DBNL: variants seen among roughly 807,000 people sequenced by gnomAD.
DBNL encodes drebrin like.
Under a neutral mutation model 62.2 loss-of-function variants are expected in DBNL, and 35 were observed. The ratio of observed to expected loss-of-function variants is 0.56; its 90% CI spans 0.43 to 0.75. DBNL has a LOEUF of 0.75. Among genes scored for constraint, DBNL ranks in the 30% least tolerant of loss-of-function variants. The probability of loss-of-function intolerance (pLI) is 0.00; values close to 1 mark genes in which losing one functional copy is unlikely to be tolerated. For missense variants in DBNL, 495 were observed against 578.4 expected, an observed-to-expected ratio of 0.86 and a Z score of 1.48; for synonymous variants, 197 against 218.0, an observed-to-expected ratio of 0.90 and a Z score of 0.85.
chr7:44,059,435 C>T lies in DBNL; in HGVS notation c.917C>T (p.Ser306Leu). 1 of 1,614,090 alleles carries T rather than the reference C, an allele frequency of 6.2e-7. No homozygotes were observed. Among genetic ancestry groups the T allele is most frequent in the Non-Finnish European group, 8.5e-7 (1 of 1,180,002 alleles). The change falls in exon 10 of 13, where the codon TCA becomes TTA. Residue 306 changes from serine (S) to leucine (L), a missense_variant. By Grantham distance (145) the Ser-to-Leu change is moderately radical. Coordinates refer to ENST00000448521, the MANE Select transcript of DBNL (RefSeq NM_001014436.3). The surrounding 1 kb of genome is among the most constrained non-coding windows in gnomAD (Gnocchi z 4.1). Reference sequence around the variant, plus strand: ...GGCAGAGAGCCAGCTGCTGCCATCTCAAGGCCCAGGGCAGGCAAGGCGCTT... The same window carrying T: ...GGCAGAGAGCCAGCTGCTGCCATCTTAAGGCCCAGGGCAGGCAAGGCGCTT... ...HFGREPAAAI[S>L]RPRADLPAEE...
At chr7:44,055,896 C>T (rs1385480799) in intron 4 of DBNL, among the ~76,000 whole-genome samples, 1 of 152,150 alleles carries the variant, frequency 6.6e-6, no homozygotes, top group Non-Finnish European at 1.5e-5. Context: ...ATTTGCTGTG[C>T]AGAAGCCTTT....
chr7:44,051,838 C>T lies in DBNL; in HGVS notation c.148C>T (p.Leu50=), dbSNP rs1189944966. The T allele has an allele frequency of 6.2e-7, 1 of 1,614,088 alleles. No individual in the cohort carries two copies. The highest frequency in any genetic ancestry group is 8.5e-7 in the Non-Finnish European group (1 of 1,179,996). The change falls in exon 3 of 13, where the codon CTG becomes TTG. Residue 50 remains leucine, a synonymous_variant. Coordinates refer to ENST00000448521, the MANE Select transcript of DBNL (RefSeq NM_001014436.3). ...IRVAGTGEGG[L]EEMVEELNSG... ...CTGTGACTCTGCTGCAGAGGGTGGCCTGGAGGAGATGGTGGAGGAGCTCAA... is the reference window on the plus strand; with the variant it reads ...CTGTGACTCTGCTGCAGAGGGTGGCTTGGAGGAGATGGTGGAGGAGCTCAA...
chr7:44,064,752 G>T lies in DBNL; in HGVS notation c.*3836G>T. The T allele has an allele frequency of 7.9e-7, 1 of 1,265,832 alleles. No homozygotes were observed. Among genetic ancestry groups the T allele is most frequent in the Non-Finnish European group, 1.1e-6 (1 of 900,816 alleles). The allele number at this position is 1,265,832 out of a possible 1,614,324, so 78.4% of individuals were successfully genotyped here. On this transcript the variant is annotated 3_prime_UTR_variant, in exon 13 of 13. Transcript: ENST00000448521. ...CACGCCTAGAAAGCCTGGTCCATGG[G>T]CGAGAGACTTTGCTGAGATGAGAAG...
chr7:44,060,218 G>A lies in DBNL; in HGVS notation c.1153+65G>A. On this transcript the variant is annotated intron_variant, in intron 12 of 12. Coordinates refer to ENST00000448521, the MANE Select transcript of DBNL (RefSeq NM_001014436.3). The surrounding 1 kb of genome is among the most constrained non-coding windows in gnomAD (Gnocchi z 6.3). Reference sequence around the variant, plus strand: ...CTGAGGTTAGGAGACAAGAGGGTCTGGGGTTTTATGGGAAGATGGCACCAG... The same window carrying A: ...CTGAGGTTAGGAGACAAGAGGGTCTAGGGTTTTATGGGAAGATGGCACCAG... The A allele has an allele frequency of 7.0e-7, 1 of 1,431,894 alleles. No individual in the cohort carries two copies. The highest frequency in any genetic ancestry group is 1.2e-5 in the South Asian group (1 of 83,366). 88.7% of individuals were successfully genotyped at this position (1,431,894 alleles called of 1,614,324 possible). A position where few individuals can be genotyped will look rare whatever the true frequency, so the allele number is the denominator to read the frequency against.
intron 1 of DBNL, among the ~76,000 whole-genome samples, chr7:44,046,073 T>G (rs913551924): frequency 6.6e-6 from 1 of 152,240 alleles, no homozygotes; most frequent in Non-Finnish European, 1.5e-5. Flanking sequence ...GTCAGCCCTC[T>G]GTTTTGCCTC....
chr7:44,065,472 TCTC>T lies in DBNL; in HGVS notation c.*4559_*4561del. 6.2e-7 allele frequency: 1 copy of T among 1,614,108 alleles called. No individual in the cohort carries two copies. The highest frequency in any genetic ancestry group is 8.5e-7 in the Non-Finnish European group (1 of 1,180,026). On this transcript the variant is annotated 3_prime_UTR_variant, in exon 13 of 13. Transcript: ENST00000448521. ...GCATCGAACCAGCCACAGAAACGGT[TCTC>T]CTGGTTCCATGTGCTCTCGCCGTGC...
chr7:44,057,709 T>G, intron 5 of DBNL, 73 bp from the exon 6 acceptor site: 1 of 1,566,256 alleles, frequency 6.4e-7, no homozygotes, highest in Non-Finnish European at 8.8e-7. Flanking sequence ...GTTTAGCGTA[T>G]TCTCTCCTTT....
Position 44,068,150 on chromosome 7 carries a change from A to G in DBNL, c.*7234A>G, listed in dbSNP as rs2096163220. The G allele has an allele frequency of 6.6e-6, 1 of 152,244 alleles. No homozygotes were observed. The highest frequency in any genetic ancestry group is 1.5e-5 in the Non-Finnish European group (1 of 68,062). The allele number at this position is 152,244 out of a possible 1,614,324, so 9.4% of individuals were successfully genotyped here. ...TCTGTCTAGAGGAGCCATGGCCCCA[A>G]AAGCATGGGGCAACCACCTTCTGCA... On this transcript the variant is annotated 3_prime_UTR_variant, in exon 13 of 13. Transcript: ENST00000448521.
chr7:44,068,775 G>T lies in DBNL; in HGVS notation c.*7859G>T, dbSNP rs117461554. 1.1e-4 allele frequency: 17 copies of T among 152,256 alleles called. No individual in the cohort carries two copies. The East Asian group carries it at 1.9e-3, about 17-fold the overall frequency. The allele number at this position is 152,256 out of a possible 1,614,324, so 9.4% of individuals were successfully genotyped here. A position where few individuals can be genotyped will look rare whatever the true frequency, so the allele number is the denominator to read the frequency against. On this transcript the variant is annotated 3_prime_UTR_variant, in exon 13 of 13. Coordinates refer to ENST00000448521, the MANE Select transcript of DBNL (RefSeq NM_001014436.3). ...TAAATTAGATGATAGTTTGGAAAAAGATATAAACTTACAAACCAAGAAGCT... is the reference window on the plus strand; with the variant it reads ...TAAATTAGATGATAGTTTGGAAAAATATATAAACTTACAAACCAAGAAGCT...
intron 5 of DBNL, 96 bp downstream of exon 5, chr7:44,056,999 C>T: frequency 6.5e-7 from 1 of 1,538,018 alleles, no homozygotes; most frequent in Non-Finnish European, 8.8e-7. Context: ...GCTGGCTGGG[C>T]CCATGCCTGC....
In DBNL at chr7:44,064,345, A is replaced by G. The variant is rs1159207451; in HGVS notation, c.*3429A>G. On this transcript the variant is annotated 3_prime_UTR_variant, in exon 13 of 13. Transcript: ENST00000448521. ...GGGCTCCAGAGGGAGATAGGTGGTG[A>G]AGCTCATGCAGGGATTCTGAGGACC... 1 of 202,806 alleles carries G rather than the reference A, an allele frequency of 4.9e-6. No homozygotes were observed. Among genetic ancestry groups the G allele is most frequent in the Non-Finnish European group, 1.0e-5 (1 of 98,230 alleles). 12.6% of individuals were successfully genotyped at this position (202,806 alleles called of 1,614,324 possible).
rs75690519 is a variant in DBNL, at chr7:44,051,665, G to A, written c.140-165G>A. On this transcript the variant is annotated intron_variant, in intron 2 of 12. Coordinates refer to ENST00000448521, the MANE Select transcript of DBNL (RefSeq NM_001014436.3). Reference sequence around the variant, plus strand: ...GCTCTCATCAATCAGTTTAGTGAGGGTGGTGCCCAGGACTCTGATTTTAAA... The same window carrying A: ...GCTCTCATCAATCAGTTTAGTGAGGATGGTGCCCAGGACTCTGATTTTAAA... 259 of 608,756 alleles carry A rather than the reference G, an allele frequency of 4.3e-4. No individual in the cohort carries two copies. In the East Asian group the frequency reaches 7.1e-3, roughly 17 times the overall value. The allele number at this position is 608,756 out of a possible 1,614,324, so 37.7% of individuals were successfully genotyped here. A position where few individuals can be genotyped will look rare whatever the true frequency, so the allele number is the denominator to read the frequency against.
rs544054063 is a variant in DBNL at position 44,058,625 on chromosome 7, G to A, written c.753+145G>A. 54 of 1,167,372 alleles carry A rather than the reference G, an allele frequency of 4.6e-5. 2 individuals carry two copies. In the South Asian group the frequency reaches 7.8e-4, roughly 17 times the overall value. The allele number at this position is 1,167,372 out of a possible 1,614,324, so 72.3% of individuals were successfully genotyped here. Reference sequence around the variant, plus strand: ...GGTTGGAATCTGGGCACCTCAAGAGGTGGCAGTAGAGAGGAAAGCCAAAGG... The same window carrying A: ...GGTTGGAATCTGGGCACCTCAAGAGATGGCAGTAGAGAGGAAAGCCAAAGG... On this transcript the variant is annotated intron_variant, in intron 8 of 12. Transcript: ENST00000448521.
Position 44,044,751 on chromosome 7 carries a change from T to A in DBNL, c.14T>A (p.Leu5Gln). 1.3e-6 allele frequency: 2 copies of A among 1,507,634 alleles called. No individual in the cohort carries two copies. Among genetic ancestry groups the A allele is most frequent in the Non-Finnish European group, 1.8e-6 (2 of 1,129,608 alleles). The allele number at this position is 1,507,634 out of a possible 1,614,324, so 93.4% of individuals were successfully genotyped here. ...GCGGGGCGGGCCATGGCGGCGAACC[T>A]GAGCCGGAACGGGCCAGCGCTGCAA... The part of the protein sequence containing the change: MAAN[L>Q]SRNGPALQEA... The change falls in exon 1 of 13, where the codon CTG becomes CAG. Residue 5 changes from leucine (L) to glutamine (Q), a missense_variant. Transcript: ENST00000448521.
At chr7:44,053,485 G>A (rs1042412818) in intron 4 of DBNL, among the ~76,000 whole-genome samples, 12 of 152,116 alleles carry the variant, frequency 7.9e-5, no homozygotes, top group African/African-American at 2.9e-4. Context: ...TTGATTTCTC[G>A]TTCTGCCAAC....
In DBNL at chr7:44,066,784, CCAGGACCCCCAAGGCTGG is replaced by C. The variant is rs2096160937; in HGVS notation, c.*5873_*5890del. 3.9e-5 allele frequency: 6 copies of C among 152,472 alleles called. No homozygotes were observed. In the South Asian group the frequency reaches 1.2e-3, roughly 32 times the overall value. The allele number at this position is 152,472 out of a possible 1,614,324, so 9.4% of individuals were successfully genotyped here. A position where few individuals can be genotyped will look rare whatever the true frequency, so the allele number is the denominator to read the frequency against. ...CCAGTGGGCAAAGTCCTGTCGGCTG[CCAGGACCCCCAAGGCTGG>C]CAGGTGGAACCCATCCCTCCTAGCA... On this transcript the variant is annotated 3_prime_UTR_variant, in exon 13 of 13. Coordinates refer to ENST00000448521, the MANE Select transcript of DBNL (RefSeq NM_001014436.3).
chr7:44,062,470 G>A lies in DBNL; in HGVS notation c.*1554G>A, dbSNP rs969654378. 1 of 443,608 alleles carries A rather than the reference G, an allele frequency of 2.3e-6. No individual in the cohort carries two copies. The highest frequency in any genetic ancestry group is 4.2e-6 in the Non-Finnish European group (1 of 237,360). 27.5% of individuals were successfully genotyped at this position (443,608 alleles called of 1,614,324 possible). A position where few individuals can be genotyped will look rare whatever the true frequency, so the allele number is the denominator to read the frequency against. On this transcript the variant is annotated 3_prime_UTR_variant, in exon 13 of 13. Transcript: ENST00000448521. ...CTTGGCCTCTTCTAACTGGCCCCAA[G>A]CACGCCAATTCTGGAGCATGGTTAC...
intron 1 of DBNL, 48 bp from the exon 2 acceptor site, chr7:44,050,177 A>G (rs2096124029): frequency 1.2e-6 from 2 of 1,604,606 alleles, no homozygotes; most frequent in Admixed American, 1.7e-5. Flanking sequence ...GTGAGGAGAG[A>G]TGGAACCCAA....
Position 44,059,745 on chromosome 7 carries a change from T to C in DBNL, c.1047+87T>C. On this transcript the variant is annotated intron_variant, in intron 11 of 12. Coordinates refer to ENST00000448521, the MANE Select transcript of DBNL (RefSeq NM_001014436.3). This position sits in a 1 kb window ranked among gnomAD's most constrained non-coding sequence, Gnocchi z 4.1. ...GGGCCGCCTGAGTTTTCTGGGGGCA[T>C]GCAACAGGTTTTAAAGCACATGCAT... 7.8e-7 allele frequency: 1 copy of C among 1,286,344 alleles called. No individual in the cohort carries two copies. Among genetic ancestry groups the C allele is most frequent in the Non-Finnish European group, 1.1e-6 (1 of 938,734 alleles). 79.7% of individuals were successfully genotyped at this position (1,286,344 alleles called of 1,614,324 possible). A position where few individuals can be genotyped will look rare whatever the true frequency, so the allele number is the denominator to read the frequency against.
Sources: gnomAD v4.1 joint callset for allele counts (sites outside exome capture counted in the v4.1 genomes callset) on GRCh38, gnomAD v4.1.1 for gene constraint, Gnocchi (gnomAD v3.1) non-coding constraint, MANE v1.5 for transcripts, NCBI Gene and HGNC (gene_info 2026-07-23, HGNC 2026-07-21) for gene names.